Variants in KIAA1328 observed in about 807,000 individuals in gnomAD.
The protein encoded by KIAA1328 is KIAA1328, also known as protein hinderin.
KIAA1328 carries 52 observed loss-of-function variants against 68.1 expected under a neutral mutation model. The ratio of observed to expected loss-of-function variants is 0.76; its 90% confidence interval spans 0.61 to 0.96. The LOEUF is 0.96. KIAA1328 is among the 40% of genes least tolerant of loss of function. The pLI is 0.00. For synonymous variants in KIAA1328, 232 were observed against 239.4 expected, an observed-to-expected ratio of 0.97 and a Z score of 0.28; for missense variants, 641 against 677.6, an observed-to-expected ratio of 0.95 and a Z score of 0.60.
At chr18:37,059,588 G>T (rs1196057034) in intron 6 of KIAA1328, among the ~76,000 whole-genome samples, 3 of 152,218 alleles carry the variant, frequency 2.0e-5, no homozygotes, top group African/African-American at 7.2e-5. Context: ...TACACTGCTG[G>T]TGGAAGTGTA....
At chr18:37,120,233 G>A (rs2058233386) in intron 7 of KIAA1328, among the ~76,000 whole-genome samples, 1 of 119,746 alleles carries the variant, frequency 8.4e-6, no homozygotes, top group African/African-American at 4.6e-5. Context: ...GTGATCTAAT[G>A]GTAGCTACAA....
chr18:37,094,452 C>T (rs1253683588), intron 7 of KIAA1328, among the ~76,000 whole-genome samples: 1 of 152,064 alleles, frequency 6.6e-6, no homozygotes, highest in African/African-American at 2.4e-5. Context: ...CAGCCAATAA[C>T]TGAGGGAATC....
chr18:37,093,342 A>G (rs1166636994), intron 7 of KIAA1328, among the ~76,000 whole-genome samples: 2 of 152,198 alleles, frequency 1.3e-5, no homozygotes, highest in Non-Finnish European at 2.9e-5. Flanking sequence ...ACTCAAAATA[A>G]TGATACTAAA....
chr18:36,871,015 G>A (rs2047926972), intron 4 of KIAA1328, among the ~76,000 whole-genome samples: 1 of 152,122 alleles, frequency 6.6e-6, no homozygotes, highest in South Asian at 2.1e-4. Flanking sequence ...GGTTAGCTGG[G>A]GCTCACACCT....
chr18:36,862,203 C>T (rs2047587544), intron 4 of KIAA1328, among the ~76,000 whole-genome samples: 1 of 152,154 alleles, frequency 6.6e-6, no homozygotes, highest in Non-Finnish European at 1.5e-5. Flanking sequence ...CAATTGTGTA[C>T]AGATTTCGCC....
At chr18:37,072,162 T>C (rs1047509589) in intron 7 of KIAA1328, among the ~76,000 whole-genome samples, 1 of 152,126 alleles carries the variant, frequency 6.6e-6, no homozygotes, top group African/African-American at 2.4e-5. Context: ...CTTTTTGTTG[T>C]TTTGTTTTTA....
intron 5 of KIAA1328, among the ~76,000 whole-genome samples, chr18:36,938,612 T>C (rs1375807738): frequency 6.6e-6 from 1 of 152,218 alleles, no homozygotes; most frequent in Non-Finnish European, 1.5e-5. Context: ...TTTGTCTATC[T>C]TTACTTTCGT....
At chr18:36,986,387 G>A (rs2052925998) in intron 6 of KIAA1328, among the ~76,000 whole-genome samples, 1 of 150,562 alleles carries the variant, frequency 6.6e-6, no homozygotes, top group South Asian at 2.1e-4. Context: ...AACCCTAGAA[G>A]AAAACCTAGG....
At chr18:36,883,482 GGGCATGCCAACA>G (rs2048386203) in intron 4 of KIAA1328, among the ~76,000 whole-genome samples, 1 of 152,162 alleles carries the variant, frequency 6.6e-6, no homozygotes, top group Admixed American at 6.5e-5. Flanking sequence ...TGAGCAGGCT[GGGCATGCCAACA>G]GCAGGTCCCT....
At chr18:36,993,408 T>G (rs559735093) in intron 6 of KIAA1328, among the ~76,000 whole-genome samples, 323 of 152,296 alleles carry the variant, frequency 2.1e-3, no homozygotes, top group African/African-American at 7.6e-3. Flanking sequence ...GCATGGAAGA[T>G]CCAATCTCTG....
intron 8 of KIAA1328, among the ~76,000 whole-genome samples, chr18:37,164,694 C>T (rs557286360): frequency 4.0e-4 from 61 of 152,112 alleles, no homozygotes; most frequent in African/African-American, 1.4e-3. Context: ...TTCAGTGAGC[C>T]GAGATCACTC....
intron 9 of KIAA1328, among the ~76,000 whole-genome samples, chr18:37,182,887 T>C (rs1400620530): frequency 6.6e-6 from 1 of 152,226 alleles, no homozygotes; most frequent in Non-Finnish European, 1.5e-5. Context: ...AGCTTTCTTC[T>C]GTGCTCTGGG....
At chr18:37,152,229 A>G (rs987070036) in intron 7 of KIAA1328, among the ~76,000 whole-genome samples, 2 of 152,106 alleles carry the variant, frequency 1.3e-5, no homozygotes, top group Admixed American at 1.3e-4. Context: ...TCCAGCTTTT[A>G]TAGCATCTTC....
chr18:37,205,507 C>T (rs1397870993), intron 9 of KIAA1328, among the ~76,000 whole-genome samples: 1 of 152,178 alleles, frequency 6.6e-6, no homozygotes, highest in Non-Finnish European at 1.5e-5. Context: ...TGTTCCCATG[C>T]ATTTTCAACA....
At chr18:37,073,780 G>A (rs778277511) in intron 7 of KIAA1328, among the ~76,000 whole-genome samples, 22 of 152,006 alleles carry the variant, frequency 1.4e-4, no homozygotes, top group South Asian at 6.2e-4. Flanking sequence ...TTCAAAGAGC[G>A]TATTCATAAG....
chr18:37,098,074 G>C (rs184872802), intron 7 of KIAA1328, among the ~76,000 whole-genome samples: 3,849 of 151,920 alleles, frequency 0.025, 65 homozygotes, highest in Middle Eastern at 0.075. Flanking sequence ...TTTCCTTCTC[G>C]TGCCTGATTG....
chr18:37,145,850 G>A (rs1165475786), intron 7 of KIAA1328, among the ~76,000 whole-genome samples: 3 of 151,760 alleles, frequency 2.0e-5, no homozygotes, highest in Admixed American at 6.6e-5. Flanking sequence ...TATTTTTAAA[G>A]TGTTAACTCT....
chr18:37,002,533 T>TA (rs938052445), intron 6 of KIAA1328, among the ~76,000 whole-genome samples: 1 of 150,976 alleles, frequency 6.6e-6, no homozygotes, highest in Non-Finnish European at 1.5e-5. Flanking sequence ...GCAGTAATGA[T>TA]CTAGTATACT....
intron 5 of KIAA1328, among the ~76,000 whole-genome samples, chr18:36,938,447 T>C (rs1334540283): frequency 6.6e-6 from 1 of 152,134 alleles, no homozygotes; most frequent in Non-Finnish European, 1.5e-5. Flanking sequence ...TTTGATTGAG[T>C]TGTTTGCTTG....
Sources: gnomAD v4.1 joint callset for allele counts (sites outside exome capture counted in the v4.1 genomes callset) on GRCh38, gnomAD v4.1.1 for gene constraint, MANE v1.5 for transcripts, NCBI Gene and HGNC (gene_info 2026-07-23, HGNC 2026-07-21) for gene names.